The following IQCH variants were observed in gnomAD, a reference collection of about 807,000 sequenced individuals.
IQCH encodes IQ motif containing H.
IQCH carries 98 observed loss-of-function variants against 117.0 expected under a neutral mutation model. The observed-to-expected ratio is 0.84, with a 90% CI of 0.71 to 0.99. IQCH has a LOEUF of 0.99. Among genes scored for constraint, IQCH ranks in the 50% least tolerant of loss-of-function variants. IQCH has a pLI of 0.00. For synonymous variants in IQCH, 412 were observed against 448.2 expected (o/e 0.92, Z 1.02); for missense variants, 1,102 against 1,243.8 (o/e 0.89, Z 1.72).
chr15:67,356,814 A>C lies in IQCH; in HGVS notation c.638-531A>C, dbSNP rs1194913106. On this transcript the variant is annotated intron_variant, in intron 6 of 20. Transcript: ENST00000335894. This position sits in a 1 kb window ranked among gnomAD's most constrained non-coding sequence, Gnocchi z 5.3. ...GCCCATTCTTCCTCGACCATGGGCTAGGTGTGTTCTCTAAAAGTTGTTGCT... is the reference window on the plus strand; with the variant it reads ...GCCCATTCTTCCTCGACCATGGGCTCGGTGTGTTCTCTAAAAGTTGTTGCT... 6.6e-6 allele frequency among the ~76,000 whole-genome samples: 1 copy of C among 152,180 alleles called. No homozygotes were observed. Among genetic ancestry groups the C allele is most frequent in the African/African-American group, 2.4e-5 (1 of 41,442 alleles).
intron 10 of IQCH, among the ~76,000 whole-genome samples, chr15:67,378,347 C>T (rs73472920): frequency 0.018 from 2,696 of 151,430 alleles, 102 homozygotes; most frequent in African/African-American, 0.062. Flanking sequence ...GGATGTTGTT[C>T]CTTCCACCTC....
intron 4 of IQCH, among the ~76,000 whole-genome samples, chr15:67,292,228 A>T (rs1368716826): frequency 6.6e-6 from 1 of 152,136 alleles, no homozygotes; most frequent in African/African-American, 2.4e-5. Flanking sequence ...TGTAAGAAAT[A>T]AATGTTGTTG....
intron 4 of IQCH, chr15:67,304,496 G>C (rs1203938289): frequency 1.0e-6 from 1 of 981,918 alleles, no homozygotes. Context: ...ATTTTTTTAA[G>C]AAATAAAAGT....
chr15:67,297,492 G>A (rs1966860213), intron 4 of IQCH, among the ~76,000 whole-genome samples: 1 of 152,180 alleles, frequency 6.6e-6, no homozygotes, highest in Admixed American at 6.5e-5. Flanking sequence ...ATAGACCCCA[G>A]TAGCATTTTC....
intron 4 of IQCH, among the ~76,000 whole-genome samples, 194 bp from the exon 5 acceptor site, chr15:67,336,779 CTA>C (rs1187426462): frequency 6.6e-6 from 1 of 152,118 alleles, no homozygotes; most frequent in Admixed American, 6.5e-5. Context: ...ATTTAATTAA[CTA>C]TTTTAAATTA....
chr15:67,303,481 T>C (rs1967151960), intron 4 of IQCH, among the ~76,000 whole-genome samples: 1 of 152,184 alleles, frequency 6.6e-6, no homozygotes, highest in Non-Finnish European at 1.5e-5. Flanking sequence ...TTATTAGTAA[T>C]ACCATATTCC....
intron 4 of IQCH, among the ~76,000 whole-genome samples, chr15:67,305,643 A>G (rs1184184728): frequency 1.3e-5 from 2 of 152,120 alleles, no homozygotes; most frequent in African/African-American, 4.8e-5. Context: ...TAGAATTAAT[A>G]TTGGCTTAGC....
intron 15 of IQCH, among the ~76,000 whole-genome samples, chr15:67,418,018 G>A (rs1013097858): frequency 6.6e-6 from 1 of 152,128 alleles, no homozygotes; most frequent in Non-Finnish European, 1.5e-5. Flanking sequence ...GTATATCTAT[G>A]TTAACTTTTC....
Position 67,342,312 on chromosome 15 carries a change from C to A in IQCH, c.509-1751C>A, listed in dbSNP as rs1263596521. Among the ~76,000 whole-genome samples, 1 of 152,098 alleles carries A rather than the reference C, an allele frequency of 6.6e-6. No homozygotes were observed. Among genetic ancestry groups the A allele is most frequent in the Non-Finnish European group, 1.5e-5 (1 of 68,028 alleles). On this transcript the variant is annotated intron_variant, in intron 5 of 20. Coordinates refer to ENST00000335894, the MANE Select transcript of IQCH (RefSeq NM_001031715.3). The surrounding 1 kb of genome is among the most constrained non-coding windows in gnomAD (Gnocchi z 4.7). ...AAGATGCATACAGAGTCCTGTAGGA[C>A]TGTAGGTCAGATAATCTTCAGAGAT...
At chr15:67,330,056 C>A (rs1221477194) in intron 4 of IQCH, among the ~76,000 whole-genome samples, 1 of 145,094 alleles carries the variant, frequency 6.9e-6, no homozygotes, top group Non-Finnish European at 1.5e-5. Flanking sequence ...GGACAGGCAT[C>A]TTGTGATCTC....
chr15:67,416,095 G>A lies in IQCH; in HGVS notation c.2098-836G>A, dbSNP rs2081568918. Reference sequence around the variant, plus strand: ...TTTTTTTAAAAATTAAAAAATATATGGAGGTGTCCAGGTGCGGTGGCTCAC... The same window carrying A: ...TTTTTTTAAAAATTAAAAAATATATAGAGGTGTCCAGGTGCGGTGGCTCAC... On this transcript the variant is annotated intron_variant, in intron 14 of 20. Transcript: ENST00000335894. This position sits in a 1 kb window ranked among gnomAD's most constrained non-coding sequence, Gnocchi z 5.1. 6.6e-6 allele frequency among the ~76,000 whole-genome samples: 1 copy of A among 152,056 alleles called. No homozygotes were observed. The highest frequency in any genetic ancestry group is 2.1e-4 in the South Asian group (1 of 4,824).
intron 4 of IQCH, among the ~76,000 whole-genome samples, chr15:67,302,070 C>A (rs1967073193): frequency 6.6e-6 from 1 of 152,112 alleles, no homozygotes; most frequent in Admixed American, 6.6e-5. Flanking sequence ...CTACACCAGA[C>A]CTATAACCAC....
At chr15:67,484,457 G>A (rs922338433) in intron 18 of IQCH, among the ~76,000 whole-genome samples, 9 of 151,164 alleles carry the variant, frequency 6.0e-5, no homozygotes, top group Non-Finnish European at 8.9e-5. Flanking sequence ...GGGGCTGGGC[G>A]CTGTGGCTCA....
In IQCH at chr15:67,467,376, C is replaced by T. The variant is rs2082962470; in HGVS notation, c.2676+2079C>T. On this transcript the variant is annotated intron_variant, in intron 17 of 20. Coordinates refer to ENST00000335894, the MANE Select transcript of IQCH (RefSeq NM_001031715.3). The surrounding 1 kb of genome is among the most constrained non-coding windows in gnomAD (Gnocchi z 5.7). ...CACTCTTCCATTTTCCCCATGTTGC[C>T]TATAGGTTTCATTCCTAGCTATAGG... 6.6e-6 allele frequency among the ~76,000 whole-genome samples: 1 copy of T among 152,158 alleles called. No individual in the cohort carries two copies. Among genetic ancestry groups the T allele is most frequent in the Non-Finnish European group, 1.5e-5 (1 of 68,038 alleles).
chr15:67,270,241 G>C (rs891947566), intron 3 of IQCH, among the ~76,000 whole-genome samples: 1 of 152,106 alleles, frequency 6.6e-6, no homozygotes, highest in African/African-American at 2.4e-5. Flanking sequence ...CTCTGGCCAG[G>C]ATTTCCAGTA....
At chr15:67,409,009 T>C (rs2081375144) in intron 14 of IQCH, among the ~76,000 whole-genome samples, 1 of 152,250 alleles carries the variant, frequency 6.6e-6, no homozygotes, top group African/African-American at 2.4e-5. Flanking sequence ...CACTTGCTGC[T>C]GTAACTACTT....
In IQCH at chr15:67,327,686, C is replaced by G. The variant is rs765097956; in HGVS notation, c.388-9289C>G. Among the ~76,000 whole-genome samples the G allele has an allele frequency of 3.9e-4, 59 of 152,204 alleles. 1 individual carries two copies. Among genetic ancestry groups the G allele is most frequent in the Non-Finnish European group, 1.0e-4 (7 of 68,044 alleles). ...GGCAGTTAATTTGGCTAGATTCAAACTCCAGACTCTATGCTTGCTGTGGTT... is the reference window on the plus strand; with the variant it reads ...GGCAGTTAATTTGGCTAGATTCAAAGTCCAGACTCTATGCTTGCTGTGGTT... On this transcript the variant is annotated intron_variant, in intron 4 of 20. Coordinates refer to ENST00000335894, the MANE Select transcript of IQCH (RefSeq NM_001031715.3).
At chr15:67,326,211 G>A (rs1260416667) in intron 4 of IQCH, among the ~76,000 whole-genome samples, 1 of 152,136 alleles carries the variant, frequency 6.6e-6, no homozygotes, top group Non-Finnish European at 1.5e-5. Flanking sequence ...GTGAGAACAT[G>A]TGGTGTTTGG....
chr15:67,279,395 G>C lies in IQCH; in HGVS notation c.270G>C (p.Trp90Cys). 6.6e-7 allele frequency: 1 copy of C among 1,516,016 alleles called. No individual in the cohort carries two copies. The highest frequency in any genetic ancestry group is 9.1e-7 in the Non-Finnish European group (1 of 1,098,970). 93.9% of individuals were successfully genotyped at this position (1,516,016 alleles called of 1,614,324 possible). A position where few individuals can be genotyped will look rare whatever the true frequency, so the allele number is the denominator to read the frequency against. Residue 90 changes from tryptophan to cysteine, a missense_variant and splice_region_variant, in exon 4 of 21, where the codon TGG becomes TGC. Physicochemically the swap from Trp to Cys is radical, Grantham distance 215 (BLOSUM62 -2). Coordinates refer to ENST00000335894, the MANE Select transcript of IQCH (RefSeq NM_001031715.3). ...TTAAATTCCATTTCTTCTTACTTAGGTTACTTCCAACTGTAATTGATCAGA... is the reference window on the plus strand; with the variant it reads ...TTAAATTCCATTTCTTCTTACTTAGCTTACTTCCAACTGTAATTGATCAGA... ...ESLYTPQASK[W>C]LLPTVIDQKS... is the part of the protein sequence containing the mutation.
Sources: allele counts gnomAD v4.1 joint callset (sites outside exome capture counted in the v4.1 genomes callset), GRCh38; gene constraint gnomAD v4.1.1; non-coding constraint Gnocchi (gnomAD v3.1); transcripts MANE v1.5; gene names NCBI Gene and HGNC (gene_info 2026-07-23, HGNC 2026-07-21).